The following LOXL2 variants were observed in gnomAD, a reference collection of about 807,000 sequenced individuals.
The protein encoded by LOXL2 is lysyl oxidase like 2, also known as lysyl oxidase homolog 2.
Under a neutral mutation model 93.0 loss-of-function variants are expected in LOXL2, and 70 were observed. The observed-to-expected ratio is 0.75, with a 90% CI of 0.62 to 0.92. The LOEUF (loss-of-function observed/expected upper bound fraction) is 0.92, where lower values mean the gene tolerates loss of function less well. Among genes scored for constraint, LOXL2 ranks in the 40% least tolerant of loss-of-function variants. LOXL2 has a pLI of 0.00. For synonymous variants in LOXL2, 438 were observed against 413.2 expected (o/e 1.06, Z -0.73); for missense variants, 973 against 1,054.9 (o/e 0.92, Z 1.08).
intron 1 of LOXL2, among the ~76,000 whole-genome samples, chr8:23,391,310 C>T (rs1001266494): frequency 6.6e-6 from 1 of 152,142 alleles, no homozygotes; most frequent in Admixed American, 6.6e-5. Context: ...AAAAACATGG[C>T]CAGCATCTGA....
intron 6 of LOXL2, among the ~76,000 whole-genome samples, chr8:23,326,661 G>A (rs1226739483): frequency 6.6e-6 from 1 of 151,990 alleles, no homozygotes; most frequent in Non-Finnish European, 1.5e-5. Flanking sequence ...GGCTGAGGCA[G>A]GATAATTGCT....
At chr8:23,300,674 A>T (rs978684315) in intron 12 of LOXL2, among the ~76,000 whole-genome samples, 3 of 152,232 alleles carry the variant, frequency 2.0e-5, no homozygotes, top group Non-Finnish European at 4.4e-5. Context: ...AAAACAAAAT[A>T]AAGAGTTGAT....
At chr8:23,383,923 G>A (rs979790622) in intron 1 of LOXL2, among the ~76,000 whole-genome samples, 1 of 152,068 alleles carries the variant, frequency 6.6e-6, no homozygotes, top group Non-Finnish European at 1.5e-5. Context: ...GCCTCCCAAA[G>A]TGCTGGGATT....
intron 1 of LOXL2, among the ~76,000 whole-genome samples, chr8:23,401,899 A>T (rs184967270): frequency 8.2e-4 from 125 of 152,380 alleles, no homozygotes; most frequent in African/African-American, 2.7e-3. Context: ...TTGTTTTCAG[A>T]CCTGAGTTTC....
At chr8:23,311,258 G>A (rs957267086) in intron 9 of LOXL2, among the ~76,000 whole-genome samples, 1 of 152,192 alleles carries the variant, frequency 6.6e-6, no homozygotes, top group African/African-American at 2.4e-5. Context: ...CCTCTAGAGA[G>A]CAGATCCACT....
At position 23,354,950 on chromosome 8, in the gene LOXL2, T is replaced by TATATATATATATATA. The variant is rs1491334754; in HGVS notation, c.531+5139_531+5140insTATATATATATATAT. 1.8e-3 allele frequency among the ~76,000 whole-genome samples: 32 copies of TATATATATATATATA among 17,934 alleles called. 1 individual carries two copies. The highest frequency in any genetic ancestry group is 2.1e-3 in the African/African-American group (10 of 4,710). 11.8% of individuals were successfully genotyped at this position (17,934 alleles called of 152,430 possible). A position where few individuals can be genotyped will look rare whatever the true frequency, so the allele number is the denominator to read the frequency against. ...GAGTTGGAATATATATATATATATA[T>TATATATATATATATA]TTTTTTTTTTTTTTTTTTTTTTTTT... On this transcript the variant is annotated intron_variant, in intron 3 of 13. Coordinates refer to ENST00000389131, the MANE Select transcript of LOXL2 (RefSeq NM_002318.3).
At chr8:23,402,089 C>T (rs188903814) in intron 1 of LOXL2, among the ~76,000 whole-genome samples, 3 of 151,962 alleles carry the variant, frequency 2.0e-5, no homozygotes, top group Admixed American at 2.0e-4. Flanking sequence ...CATACACATG[C>T]AAACATGCAC....
At chr8:23,385,884 T>C (rs1563208886) in intron 1 of LOXL2, 1 of 751,322 alleles carries the variant, frequency 1.3e-6, no homozygotes, top group East Asian at 2.4e-5. Context: ...CTTTTTGTAC[T>C]AAGTCTTTGA....
intron 3 of LOXL2, among the ~76,000 whole-genome samples, chr8:23,341,898 C>T (rs1326524035): frequency 1.3e-5 from 2 of 152,160 alleles, no homozygotes; most frequent in African/African-American, 4.8e-5. Context: ...TTGGGGACAA[C>T]TATTTGGCTG....
chr8:23,380,783 G>C (rs1804671342), intron 1 of LOXL2, among the ~76,000 whole-genome samples: 1 of 152,128 alleles, frequency 6.6e-6, no homozygotes, highest in Non-Finnish European at 1.5e-5. Context: ...GGAGGCTAAG[G>C]TGGCCAATCG....
intron 10 of LOXL2, among the ~76,000 whole-genome samples, chr8:23,307,953 G>GGAAAAAAAAAA (rs58347035): frequency 0.69 from 56,938 of 82,928 alleles, 24,754 homozygotes; most frequent in South Asian, 0.79. Flanking sequence ...GCTGCGATAT[G>GGAAAAAAAAAA]AAAAAAAAAA....
chr8:23,367,908 G>A, intron 2 of LOXL2, 89 bp downstream of exon 2: 1 of 1,042,050 alleles, frequency 9.6e-7, no homozygotes, highest in Non-Finnish European at 1.4e-6. Context: ...CGCAGTGCGT[G>A]CAGCCTCCTC....
chr8:23,319,032 G>C (rs1803451798), intron 8 of LOXL2, among the ~76,000 whole-genome samples: 2 of 152,218 alleles, frequency 1.3e-5, no homozygotes, highest in Admixed American at 1.3e-4. Context: ...ACTGGGGAAG[G>C]AGAGCTGGAG....
intron 1 of LOXL2, among the ~76,000 whole-genome samples, chr8:23,398,159 T>C (rs1255971297): frequency 6.6e-6 from 1 of 152,144 alleles, no homozygotes; most frequent in Non-Finnish European, 1.5e-5. Context: ...AGTTCATGGA[T>C]CCAAGTTCCA....
chr8:23,302,246 C>T, intron 11 of LOXL2, 83 bp from the exon 12 acceptor site: 1 of 1,561,176 alleles, frequency 6.4e-7, no homozygotes, highest in Non-Finnish European at 8.8e-7. Context: ...AAGGCCCCTA[C>T]CGCTGCTTCA....
intron 1 of LOXL2, among the ~76,000 whole-genome samples, chr8:23,385,033 A>G (rs73226414): frequency 0.12 from 18,457 of 151,918 alleles, 1,378 homozygotes; most frequent in Admixed American, 0.18. Context: ...TTATCGTGCA[A>G]AGACTGGAGG....
chr8:23,387,570 G>C (rs1804783447), intron 1 of LOXL2, among the ~76,000 whole-genome samples: 1 of 152,170 alleles, frequency 6.6e-6, no homozygotes, highest in South Asian at 2.1e-4. Flanking sequence ...TTATTTCTTA[G>C]CTTATTAGCT....
intron 1 of LOXL2, among the ~76,000 whole-genome samples, chr8:23,377,768 C>CT (rs538289059): frequency 6.6e-6 from 1 of 151,904 alleles, no homozygotes; most frequent in South Asian, 2.1e-4. Flanking sequence ...CAACCCCTGC[C>CT]TTTTTTTGTT....
At chr8:23,333,854 C>G (rs1187065571) in intron 4 of LOXL2, among the ~76,000 whole-genome samples, 2 of 152,220 alleles carry the variant, frequency 1.3e-5, no homozygotes, top group Admixed American at 1.3e-4. Context: ...GCCTCCTGCC[C>G]TCAGGCAGCT....
Sources: allele counts gnomAD v4.1 joint callset (sites outside exome capture counted in the v4.1 genomes callset), GRCh38; gene constraint gnomAD v4.1.1; transcripts MANE v1.5; gene names NCBI Gene and HGNC (gene_info 2026-07-23, HGNC 2026-07-21).